The following RACK1 variants were observed in gnomAD, a reference collection of about 807,000 sequenced individuals.
RACK1 encodes small ribosomal subunit protein RACK1.
A neutral mutation model predicts 42.2 loss-of-function variants in RACK1; 3 were observed. That is an observed-to-expected ratio of 0.07 (90% CI 0.03 to 0.18). The LOEUF is 0.18. Ranked by LOEUF, RACK1 falls within the 10% of genes least tolerant of loss-of-function variation. The pLI is 1.00. For missense variants in RACK1, 146 were observed against 403.2 expected, an observed-to-expected ratio of 0.36 and a Z score of 5.46; for synonymous variants, 181 against 154.8, an observed-to-expected ratio of 1.17 and a Z score of -1.25.
chr5:181,243,858 G>C lies in RACK1; in HGVS notation c.-58C>G, dbSNP rs2241369. ...CGAGGATGGCACTGGATGGCTTAGA[G>C]AAACTAGCACCACAACCTCTCCTGC... On this transcript the variant is annotated 5_prime_UTR_variant, in exon 1 of 8. Transcript: ENST00000512805. The C allele has an allele frequency of 0.032, 49,277 of 1,538,874 alleles. 953 individuals are homozygous for C. The highest frequency in any genetic ancestry group is 0.072 in the South Asian group (5,944 of 83,016).
At chr5:181,241,904 C>G (rs1178062215) in intron 2 of RACK1, 2 of 766,622 alleles carry the variant, frequency 2.6e-6, no homozygotes, top group Non-Finnish European at 2.4e-6. Context: ...TCTAATTCCA[C>G]CTGCCAATTA....
chr5:181,243,384 G>C, intron 1 of RACK1: 2 of 1,418,590 alleles, frequency 1.4e-6, no homozygotes, highest in Middle Eastern at 2.0e-4. Context: ...CGCCCCGCCC[G>C]GCCCGTAGGC....
chr5:181,238,261 C>G (rs544440619), intron 5 of RACK1, 22 bp from the exon 6 acceptor site: 6 of 1,612,930 alleles, frequency 3.7e-6, no homozygotes, highest in Non-Finnish European at 5.1e-6. Context: ...TAAGGTAAAT[C>G]AGGACACTGT....
chr5:181,239,937 G>A (rs1366858892), intron 3 of RACK1, among the ~76,000 whole-genome samples: 1 of 151,936 alleles, frequency 6.6e-6, no homozygotes, highest in Non-Finnish European at 1.5e-5. Flanking sequence ...CCCAGCTACT[G>A]GGGAGGCTCA....
At chr5:181,237,163 GC>G (rs1336233773) in intron 7 of RACK1, 121 bp from the exon 8 acceptor site, 1 of 1,537,810 alleles carries the variant, frequency 6.5e-7, no homozygotes, top group Admixed American at 1.9e-5. Context: ...AGGCTGGAGT[GC>G]AGGGGTGCGA....
rs370922076 is a variant in RACK1, at chr5:181,241,642, G to A, written c.282-3C>T. 3.0e-5 allele frequency: 49 copies of A among 1,613,886 alleles called. No homozygotes were observed. The highest frequency in any genetic ancestry group is 3.9e-5 in the Non-Finnish European group (46 of 1,179,872). On this transcript the variant is annotated splice_region_variant and splice_polypyrimidine_tract_variant and intron_variant, in intron 2 of 7. Transcript: ENST00000512805. ...CAAATCGCCTCGTGGTGGTGCCCCT[G>A]AGAGGGAGGAGTTTGTCATTCTCAG...
intron 3 of RACK1, chr5:181,241,280 T>A: frequency 2.0e-6 from 1 of 502,034 alleles, no homozygotes; most frequent in South Asian, 2.7e-5. Context: ...ACACAAAAAA[T>A]TAGCTAGGCG....
intron 7 of RACK1, 115 bp downstream of exon 7, chr5:181,237,494 T>C: frequency 2.8e-6 from 2 of 712,838 alleles, no homozygotes; most frequent in Admixed American, 2.1e-5. Flanking sequence ...TGGCTTGTCA[T>C]TTCACTTTAT....
At chr5:181,243,354 T>C (rs780570953) in intron 1 of RACK1, 2 of 1,382,712 alleles carry the variant, frequency 1.4e-6, no homozygotes, top group Admixed American at 1.9e-5. Flanking sequence ...GACACTCAGA[T>C]GGCATGTTGG....
chr5:181,239,308 C>T lies in RACK1; in HGVS notation c.526-131G>A, dbSNP rs1339414246. The T allele has an allele frequency of 3.9e-6, 3 of 768,464 alleles. No individual in the cohort carries two copies. In the African/African-American group the frequency reaches 5.1e-5, roughly 13 times the overall value. The allele number at this position is 768,464 out of a possible 1,614,324, so 47.6% of individuals were successfully genotyped here. On this transcript the variant is annotated intron_variant, in intron 4 of 7. Transcript: ENST00000512805. ...ATTCAGTAACATGTCCTGGCCACTTCACGTTAGATTATAACACATATCCAA... is the reference window on the plus strand; with the variant it reads ...ATTCAGTAACATGTCCTGGCCACTTTACGTTAGATTATAACACATATCCAA...
At position 181,239,330 on chromosome 5, in the gene RACK1, C is replaced by T. The variant is rs559645553; in HGVS notation, c.526-153G>A. On this transcript the variant is annotated intron_variant, in intron 4 of 7. Coordinates refer to ENST00000512805, the MANE Select transcript of RACK1 (RefSeq NM_006098.5). ...CTTCACGTTAGATTATAACACATAT[C>T]CAATGCAGTGTGCTGACTTACAAGG... is the stretch of plus-strand genomic sequence containing the variant. 6 of 761,210 alleles carry T rather than the reference C, an allele frequency of 7.9e-6. No homozygotes were observed. In the South Asian group the frequency reaches 8.5e-5, roughly 11 times the overall value. The allele number at this position is 761,210 out of a possible 1,614,324, so 47.2% of individuals were successfully genotyped here.
At position 181,243,454 on chromosome 5, in the gene RACK1, C is replaced by T. The variant is rs779171289; in HGVS notation, c.109+238G>A. On this transcript the variant is annotated intron_variant, in intron 1 of 7. Coordinates refer to ENST00000512805, the MANE Select transcript of RACK1 (RefSeq NM_006098.5). ...ATTTTAAAAGTTTCCAACTCTCCAA[C>T]CCTCCTAGCAGCTGCGAGCTGATGT... The T allele has an allele frequency of 1.9e-5, 28 of 1,497,230 alleles. 1 individual carries two copies. Among genetic ancestry groups the T allele is most frequent in the Admixed American group, 4.2e-5 (2 of 47,222 alleles). The allele number at this position is 1,497,230 out of a possible 1,614,324, so 92.7% of individuals were successfully genotyped here. A position where few individuals can be genotyped will look rare whatever the true frequency, so the allele number is the denominator to read the frequency against.
chr5:181,237,058 G>C lies in RACK1; in HGVS notation c.889-16C>G. 1.9e-6 allele frequency: 3 copies of C among 1,613,072 alleles called. No individual in the cohort carries two copies. The highest frequency in any genetic ancestry group is 2.5e-6 in the Non-Finnish European group (3 of 1,179,732). ...CAAACAGAGTCTGCAGGGAAGAAAT[G>C]ACAGTGACAGGTCAGGCTGGCATAA... On this transcript the variant is annotated splice_polypyrimidine_tract_variant and intron_variant, in intron 7 of 7. Transcript: ENST00000512805.
At chr5:181,238,275 CTCT>C (rs1406819062) in intron 5 of RACK1, 36 bp from the exon 6 acceptor site, 1 of 1,607,616 alleles carries the variant, frequency 6.2e-7, no homozygotes. Context: ...ACACTGTGAC[CTCT>C]TCCAGATGTT....
intron 3 of RACK1, 66 bp downstream of exon 3, chr5:181,241,426 C>CAAAAAAAAAAAAAAAAAAAAAAAAAA (rs57063983): frequency 1.0e-5 from 11 of 1,074,540 alleles, no homozygotes; most frequent in Admixed American, 5.8e-5. Flanking sequence ...AGACTGTCGC[C>CAAAAAAAAAAAAAAAAAAAAAAAAAA]AAAAAAAAAA....
intron 7 of RACK1, chr5:181,237,250 C>G: frequency 1.1e-6 from 1 of 938,290 alleles, no homozygotes; most frequent in Non-Finnish European, 1.7e-6. Context: ...GCATGTGCCA[C>G]AACGCCGGGT....
In RACK1 at chr5:181,236,979, A is replaced by G. The variant is rs1406885681; in HGVS notation, c.952T>C (p.Ter318GlnextTer9). 6.2e-7 allele frequency: 1 copy of G among 1,613,070 alleles called. No individual in the cohort carries two copies. The highest frequency in any genetic ancestry group is 1.7e-5 in the Admixed American group (1 of 59,788). ...RVWQVTIGTR[*>Q] ...TTGTAAAGCTCTGCCATAAACTTCT[A>G]GCGTGTGCCAATGGTCACCTGCCAC... The change falls in exon 8 of 8, where the codon TAG becomes CAG. Residue 318 changes from the stop codon to glutamine, a stop_lost. Transcript: ENST00000512805.
At position 181,241,779 on chromosome 5, in the gene RACK1, C is replaced by CTGAG. The variant is rs753099415; in HGVS notation, c.282-144_282-141dup. ...TGGCTCTGATCACAGAGTCAAGTGA[C>CTGAG]TGAGTATATGAAAGAGAAGAGCCAA... On this transcript the variant is annotated intron_variant, in intron 2 of 7. Transcript: ENST00000512805. The CTGAG allele has an allele frequency of 2.1e-5, 19 of 914,660 alleles. No homozygotes were observed. In the African/African-American group the frequency reaches 2.6e-4, roughly 12 times the overall value. 56.7% of individuals were successfully genotyped at this position (914,660 alleles called of 1,614,324 possible). A position where few individuals can be genotyped will look rare whatever the true frequency, so the allele number is the denominator to read the frequency against.
Position 181,236,957 on chromosome 5 carries a change from T to G in RACK1, c.*20A>C, listed in dbSNP as rs773626363. 1 of 1,576,124 alleles carries G rather than the reference T, an allele frequency of 6.3e-7. No individual in the cohort carries two copies. Among genetic ancestry groups the G allele is most frequent in the Non-Finnish European group, 8.6e-7 (1 of 1,167,394 alleles). ...GAAAAGCCAGTTTTTTTTTTATTTG[T>G]AAAGCTCTGCCATAAACTTCTAGCG... On this transcript the variant is annotated 3_prime_UTR_variant, in exon 8 of 8. Transcript: ENST00000512805.
Sources: allele counts gnomAD v4.1 joint callset (sites outside exome capture counted in the v4.1 genomes callset), GRCh38; gene constraint gnomAD v4.1.1; transcripts MANE v1.5; gene names NCBI Gene and HGNC (gene_info 2026-07-23, HGNC 2026-07-21).